Variants in RXFP1 observed in about 807,000 individuals in gnomAD.
RXFP1 encodes the protein relaxin receptor 1.
RXFP1 carries 73 observed loss-of-function variants against 89.8 expected under a neutral mutation model. The ratio of observed to expected loss-of-function variants is 0.81; its 90% CI spans 0.67 to 0.99. The LOEUF (loss-of-function observed/expected upper bound fraction) is 0.99, where lower values mean the gene tolerates loss of function less well. RXFP1 is among the 50% of genes least tolerant of loss of function. RXFP1 has a pLI of 0.00. For synonymous variants in RXFP1, 277 were observed against 305.5 expected (o/e 0.91, Z 0.97); for missense variants, 793 against 895.5 (o/e 0.89, Z 1.46).
At chr4:158,553,997 T>C (rs1041062847) in intron 1 of RXFP1, among the ~76,000 whole-genome samples, 5 of 152,142 alleles carry the variant, frequency 3.3e-5, no homozygotes, top group African/African-American at 4.8e-5. Context: ...AAATCTTTGT[T>C]TGGGGGAACT....
At chr4:158,614,897 G>A (rs1469459070) in intron 8 of RXFP1, among the ~76,000 whole-genome samples, 1 of 151,920 alleles carries the variant, frequency 6.6e-6, no homozygotes, top group Non-Finnish European at 1.5e-5. Context: ...GAGGAGGTAT[G>A]CGAGCAGTAT....
At chr4:158,568,042 CCACTGGGAGGAATGAACAACTCCGAACA>C (rs1315192485) in intron 1 of RXFP1, among the ~76,000 whole-genome samples, 1 of 152,214 alleles carries the variant, frequency 6.6e-6, no homozygotes, top group Non-Finnish European at 1.5e-5. Flanking sequence ...GACCACGAAC[CCACTGGGAGGAATGAACAACTCCGAACA>C]CACTGCCTTT....
In RXFP1 at chr4:158,573,331, A is replaced by G. The variant is rs182215614; in HGVS notation, c.187+496A>G. On this transcript the variant is annotated intron_variant, in intron 2 of 17. Transcript: ENST00000307765. ...CCTTAATATCCACTCGTTTCCATGT[A>G]ATGGTATCACAGCCAATATTCCAGG... Among the ~76,000 whole-genome samples, 101 of 152,242 alleles carry G rather than the reference A, an allele frequency of 6.6e-4. 1 individual carries two copies. The East Asian group carries it at 0.014, about 21-fold the overall frequency.
intron 5 of RXFP1, chr4:158,607,267 T>G: frequency 1.5e-6 from 1 of 653,834 alleles, no homozygotes; most frequent in Non-Finnish European, 2.7e-6. Context: ...TATGTAAGCC[T>G]GCATTCTTGT....
At chr4:158,608,979 G>C (rs1763048462) in intron 6 of RXFP1, among the ~76,000 whole-genome samples, 1 of 152,106 alleles carries the variant, frequency 6.6e-6, no homozygotes, top group Admixed American at 6.5e-5. Context: ...TCCTTTTTTA[G>C]GGCTGAATAA....
At chr4:158,614,234 G>C (rs544088568) in intron 8 of RXFP1, among the ~76,000 whole-genome samples, 1 of 152,148 alleles carries the variant, frequency 6.6e-6, no homozygotes, top group Non-Finnish European at 1.5e-5. Context: ...GTAAATGAGC[G>C]TTGACTTCCA....
intron 9 of RXFP1, among the ~76,000 whole-genome samples, chr4:158,625,004 A>G (rs1326943869): frequency 6.6e-6 from 1 of 152,284 alleles, no homozygotes; most frequent in East Asian, 1.9e-4. Context: ...TGCCAGCCTA[A>G]TAGAAAACAG....
intron 3 of RXFP1, among the ~76,000 whole-genome samples, chr4:158,597,799 C>T (rs574249911): frequency 6.6e-6 from 1 of 152,258 alleles, no homozygotes; most frequent in South Asian, 2.1e-4. Flanking sequence ...TCCTTCCCAA[C>T]CTTTTCCATC....
In RXFP1 at chr4:158,599,315, C is replaced by T. The variant is rs762667856; in HGVS notation, c.287-11C>T. 4.4e-5 allele frequency: 71 copies of T among 1,613,582 alleles called. No individual in the cohort carries two copies. In the East Asian group the frequency reaches 1.5e-3, roughly 35 times the overall value. Reference sequence around the variant, plus strand: ...ACTGTCATCATGCCTTACCACTTCCCCTTGATTCAGTGGTCGGTTCTGTGC... The same window carrying T: ...ACTGTCATCATGCCTTACCACTTCCTCTTGATTCAGTGGTCGGTTCTGTGC... On this transcript the variant is annotated splice_polypyrimidine_tract_variant and intron_variant, in intron 3 of 17. Coordinates refer to ENST00000307765, the MANE Select transcript of RXFP1 (RefSeq NM_021634.4).
intron 6 of RXFP1, chr4:158,610,523 A>G (rs996622512): frequency 7.1e-6 from 3 of 424,618 alleles, no homozygotes; most frequent in African/African-American, 6.2e-5. Context: ...AACAATGCCA[A>G]CATATATAAA....
At chr4:158,547,074 G>C (rs941407472) in intron 1 of RXFP1, among the ~76,000 whole-genome samples, 16 of 152,030 alleles carry the variant, frequency 1.1e-4, no homozygotes, top group Non-Finnish European at 2.2e-4. Flanking sequence ...GAATCCATCT[G>C]GTCCTGGACT....
At chr4:158,528,705 G>A (rs1743225299) in intron 1 of RXFP1, among the ~76,000 whole-genome samples, 1 of 152,226 alleles carries the variant, frequency 6.6e-6, no homozygotes, top group African/African-American at 2.4e-5. Context: ...GAGGCTTCAT[G>A]TGCCACAGGT....
intron 1 of RXFP1, among the ~76,000 whole-genome samples, chr4:158,529,969 A>G (rs1389400773): frequency 1.3e-5 from 2 of 152,140 alleles, no homozygotes; most frequent in African/African-American, 2.4e-5. Flanking sequence ...CTCATTTTGC[A>G]GTTACCTGGG....
intron 1 of RXFP1, among the ~76,000 whole-genome samples, chr4:158,554,122 C>G (rs1750745309): frequency 2.0e-5 from 3 of 152,102 alleles, no homozygotes; most frequent in Admixed American, 1.3e-4. Context: ...CAAATGTCCC[C>G]TGGGTCCAAA....
intron 1 of RXFP1, among the ~76,000 whole-genome samples, chr4:158,527,564 A>ATATATATATATAT (rs1553989393): frequency 4.2e-4 from 41 of 98,330 alleles, no homozygotes; most frequent in South Asian, 2.1e-3. Context: ...AAAAAAAAAA[A>ATATATATATATAT]ATATATATAT....
chr4:158,539,133 G>A (rs1745985709), intron 1 of RXFP1, among the ~76,000 whole-genome samples: 2 of 152,176 alleles, frequency 1.3e-5, no homozygotes, highest in South Asian at 2.1e-4. Flanking sequence ...ACAGAAAGAG[G>A]AAGTTAGGCA....
At chr4:158,604,485 C>T (rs1431524047) in intron 4 of RXFP1, among the ~76,000 whole-genome samples, 1 of 152,058 alleles carries the variant, frequency 6.6e-6, no homozygotes, top group Non-Finnish European at 1.5e-5. Flanking sequence ...TCCAGTACAA[C>T]CAAAATTATG....
At position 158,628,029 on chromosome 4, in the gene RXFP1, C is replaced by T. The variant is rs114333822; in HGVS notation, c.828-609C>T. On this transcript the variant is annotated intron_variant, in intron 10 of 17. Transcript: ENST00000307765. ...CAGTGAGGAAATAAATGGGAAAGGA[C>T]AATTTGAAGACATGTCATACAATGT... Among the ~76,000 whole-genome samples the T allele has an allele frequency of 8.7e-3, 1,330 of 152,150 alleles. 19 individuals carry two copies. The highest frequency in any genetic ancestry group is 0.03 in the African/African-American group (1,263 of 41,504).
rs1441261645 is a variant in RXFP1 at position 158,648,518 on chromosome 4, T to TATCATC, written c.1779_1784dup (p.Ile594_Ile595dup). Reference sequence around the variant, plus strand: ...AAATAGGTATTAATTTGGCCGCATTTATCATCATAGTTTTTTCCTATGGAA... The same window carrying TATCATC: ...AAATAGGTATTAATTTGGCCGCATTTATCATCATCATCATAGTTTTTTCCTATGGAA... On this transcript the variant is annotated inframe_insertion, in exon 17 of 18. Transcript: ENST00000307765. 1.2e-6 allele frequency: 2 copies of TATCATC among 1,604,286 alleles called. No homozygotes were observed.
Sources: allele counts gnomAD v4.1 joint callset (sites outside exome capture counted in the v4.1 genomes callset), GRCh38; gene constraint gnomAD v4.1.1; transcripts MANE v1.5; gene names NCBI Gene and HGNC (gene_info 2026-07-23, HGNC 2026-07-21).